Variants in MCC observed in about 807,000 individuals in gnomAD.
The protein encoded by MCC is MCC regulator of Wnt signaling pathway, also known as colorectal mutant cancer protein.
A neutral mutation model predicts 116.2 loss-of-function variants in MCC; 90 were observed. The observed-to-expected ratio is 0.77, with a 90% CI of 0.65 to 0.92. MCC has a LOEUF of 0.92. MCC is among the 40% of genes least tolerant of loss of function. The pLI, the probability that MCC is intolerant of heterozygous loss-of-function variation, is 0.00. For missense variants in MCC, 1,516 were observed against 1,312.2 expected (o/e 1.16, Z -2.40); for synonymous variants, 578 against 510.5 (o/e 1.13, Z -1.78).
At chr5:113,170,489 C>T (rs1245276321) in intron 3 of MCC, among the ~76,000 whole-genome samples, 2 of 152,026 alleles carry the variant, frequency 1.3e-5, no homozygotes, top group Non-Finnish European at 2.9e-5. Flanking sequence ...CAGTACCCAG[C>T]CTTTGCTATG....
chr5:113,205,816 G>A (rs1192748787), intron 3 of MCC, among the ~76,000 whole-genome samples: 3 of 152,242 alleles, frequency 2.0e-5, no homozygotes, highest in Non-Finnish European at 2.9e-5. Context: ...ATTCTCCCAA[G>A]TAAGATGACT....
chr5:113,379,833 T>C (rs1191757859), intron 2 of MCC, among the ~76,000 whole-genome samples: 2 of 152,176 alleles, frequency 1.3e-5, no homozygotes, highest in African/African-American at 2.4e-5. Flanking sequence ...TAAAAGTTTA[T>C]AGTCAATTAA....
chr5:113,189,597 A>G (rs1269106178), intron 3 of MCC, among the ~76,000 whole-genome samples: 1 of 152,152 alleles, frequency 6.6e-6, no homozygotes. Flanking sequence ...GCACTATCTT[A>G]CCCCTTTATA....
chr5:113,114,731 C>T (rs190612423), intron 6 of MCC, among the ~76,000 whole-genome samples: 77 of 152,260 alleles, frequency 5.1e-4, no homozygotes, highest in African/African-American at 1.6e-3. Context: ...ACCGTTGCTT[C>T]GGAGAGGAGT....
intron 3 of MCC, among the ~76,000 whole-genome samples, chr5:113,211,751 T>A (rs1327365365): frequency 6.6e-6 from 1 of 152,234 alleles, no homozygotes; most frequent in Non-Finnish European, 1.5e-5. Flanking sequence ...CTGGAGGTTA[T>A]CCTAAAACTC....
chr5:113,367,090 T>C (rs1768709609), intron 2 of MCC, among the ~76,000 whole-genome samples: 1 of 152,220 alleles, frequency 6.6e-6, no homozygotes, highest in Non-Finnish European at 1.5e-5. Context: ...TGTGAGCTGC[T>C]GTACCTAGCT....
chr5:113,081,203 T>C (rs1006260114), intron 11 of MCC, among the ~76,000 whole-genome samples: 3 of 152,142 alleles, frequency 2.0e-5, no homozygotes, highest in Admixed American at 6.5e-5. Flanking sequence ...AACCCCCAGG[T>C]TCCCGCAGCA....
intron 6 of MCC, among the ~76,000 whole-genome samples, chr5:113,111,225 G>T (rs1462853905): frequency 2.0e-5 from 3 of 152,180 alleles, no homozygotes; most frequent in Non-Finnish European, 4.4e-5. Flanking sequence ...GACGAGGAGG[G>T]AAACAGGTAT....
At chr5:113,286,451 G>T (rs1330296113) in intron 3 of MCC, among the ~76,000 whole-genome samples, 1 of 152,254 alleles carries the variant, frequency 6.6e-6, no homozygotes, top group Non-Finnish European at 1.5e-5. Flanking sequence ...ACACATTGAG[G>T]TTTCATGAAA....
chr5:113,145,867 T>C (rs1759485888), intron 4 of MCC, among the ~76,000 whole-genome samples: 1 of 151,804 alleles, frequency 6.6e-6, no homozygotes. Context: ...TCTCTGGTAT[T>C]GCACCATCCT....
intron 2 of MCC, among the ~76,000 whole-genome samples, chr5:113,349,776 C>T (rs977864405): frequency 1.3e-5 from 2 of 151,852 alleles, no homozygotes; most frequent in East Asian, 3.9e-4. Flanking sequence ...AGGATATTAT[C>T]TTATATTTGG....
chr5:113,243,454 A>T (rs1002068971), intron 3 of MCC, among the ~76,000 whole-genome samples: 12 of 152,168 alleles, frequency 7.9e-5, no homozygotes, highest in African/African-American at 2.9e-4. Context: ...CATTCCCTAA[A>T]AGAACAGAGA....
intron 3 of MCC, among the ~76,000 whole-genome samples, chr5:113,176,725 A>G (rs1209140772): frequency 1.3e-5 from 2 of 152,208 alleles, no homozygotes; most frequent in Non-Finnish European, 2.9e-5. Flanking sequence ...GCCAAGTTCT[A>G]CAGGCCCATT....
At position 113,418,770 on chromosome 5, in the gene MCC, C is replaced by T. The variant is rs555123942; in HGVS notation, c.171-33558G>A. On this transcript the variant is annotated intron_variant, in intron 1 of 18. Coordinates refer to ENST00000408903, the MANE Select transcript of MCC (RefSeq NM_001085377.2). ...AAGTGAAAGCAGAACAGACAGAAAA[C>T]GTATATGAATCTATTACCACAATTA... Among the ~76,000 whole-genome samples the T allele has an allele frequency of 3.6e-4, 54 of 152,108 alleles. 1 individual carries two copies. The South Asian group carries it at 9.6e-3, about 27-fold the overall frequency.
In MCC at chr5:113,312,262, G is replaced by A. The variant is rs556337393; in HGVS notation, c.627+28257C>T. Among the ~76,000 whole-genome samples, 4 of 152,026 alleles carry A rather than the reference G, an allele frequency of 2.6e-5. No individual in the cohort carries two copies. The South Asian group carries it at 8.3e-4, about 32-fold the overall frequency. Reference sequence around the variant, plus strand: ...ACTGCACTCTAGTCTGGGCAACAAAGCAGAACTCTGTCTGAAAAAAAAAAA... The same window carrying A: ...ACTGCACTCTAGTCTGGGCAACAAAACAGAACTCTGTCTGAAAAAAAAAAA... On this transcript the variant is annotated intron_variant, in intron 3 of 18. Transcript: ENST00000408903.
At chr5:113,372,520 A>T (rs1391942659) in intron 2 of MCC, among the ~76,000 whole-genome samples, 1 of 152,098 alleles carries the variant, frequency 6.6e-6, no homozygotes, top group Non-Finnish European at 1.5e-5. Flanking sequence ...TATATATTGT[A>T]TTTTTTCTTT....
At chr5:113,151,631 T>C (rs1759883342) in intron 3 of MCC, among the ~76,000 whole-genome samples, 1 of 152,166 alleles carries the variant, frequency 6.6e-6, no homozygotes, top group African/African-American at 2.4e-5. Context: ...ACCCTAAATA[T>C]TATGTGTGGG....
At chr5:113,168,631 C>A (rs901558427) in intron 3 of MCC, among the ~76,000 whole-genome samples, 3 of 152,048 alleles carry the variant, frequency 2.0e-5, no homozygotes, top group Admixed American at 6.6e-5. Flanking sequence ...AGGCACAAAA[C>A]CCTTGTGGTT....
chr5:113,285,718 G>A (rs974998381), intron 3 of MCC, among the ~76,000 whole-genome samples: 1 of 152,128 alleles, frequency 6.6e-6, no homozygotes, highest in African/African-American at 2.4e-5. Flanking sequence ...TTCATTCCCT[G>A]AGAGTTTTTC....
Sources: allele counts gnomAD v4.1 joint callset (sites outside exome capture counted in the v4.1 genomes callset), GRCh38; gene constraint gnomAD v4.1.1; transcripts MANE v1.5; gene names NCBI Gene and HGNC (gene_info 2026-07-23, HGNC 2026-07-21).